The following NCKAP5 variants were observed in gnomAD, a reference collection of about 807,000 sequenced individuals.
NCKAP5 encodes nck-associated protein 5.
Under a neutral mutation model 167.0 loss-of-function variants are expected in NCKAP5, and 92 were observed. The ratio of observed to expected loss-of-function variants is 0.55; its 90% CI spans 0.47 to 0.66. NCKAP5 has a LOEUF of 0.66. Ranked by LOEUF, NCKAP5 falls within the 30% of genes least tolerant of loss-of-function variation. The pLI is 0.00. For synonymous variants in NCKAP5, 891 were observed against 877.4 expected (o/e 1.02, Z -0.27); for missense variants, 2,378 against 2,315.0 (o/e 1.03, Z -0.56).
chr2:132,970,988 G>T lies in NCKAP5; in HGVS notation c.430-7119C>A, dbSNP rs148789936. ...GGAGGACTCAATCAATATTCCATAA[G>T]GTTATTTTGTAATTCATTAATCAAG... is the stretch of plus-strand genomic sequence containing the variant. On this transcript the variant is annotated intron_variant, in intron 7 of 19. Coordinates refer to ENST00000409261, the MANE Select transcript of NCKAP5 (RefSeq NM_207363.3). Among the ~76,000 whole-genome samples, 1,429 of 152,270 alleles carry T rather than the reference G, an allele frequency of 9.4e-3. 13 individuals carry two copies. Among genetic ancestry groups the T allele is most frequent in the African/African-American group, 0.033 (1,382 of 41,548 alleles).
At chr2:133,561,249 CT>C (rs1347746455) in intron 1 of NCKAP5, among the ~76,000 whole-genome samples, 1 of 152,218 alleles carries the variant, frequency 6.6e-6, no homozygotes, top group African/African-American at 2.4e-5. Flanking sequence ...ACAAGGCCCT[CT>C]ACTGGCAATC....
At chr2:132,873,981 C>A (rs1691048022) in intron 9 of NCKAP5, among the ~76,000 whole-genome samples, 4 of 152,152 alleles carry the variant, frequency 2.6e-5, no homozygotes. Context: ...ACAGGGACTG[C>A]CTCCAGGGCG....
At chr2:133,672,298 A>G in the NCKAP5 span, among the ~76,000 whole-genome samples, 1 of 152,222 alleles carries the variant, frequency 6.6e-6, no homozygotes, top group African/African-American at 2.4e-5. Context: ...GCACACGATG[A>G]GGCTAGAAAA....
At chr2:133,422,480 G>A (rs534581176) in intron 3 of NCKAP5, among the ~76,000 whole-genome samples, 5 of 152,212 alleles carry the variant, frequency 3.3e-5, no homozygotes, top group Admixed American at 6.5e-5. Flanking sequence ...TCCAAGAGCC[G>A]AGAGAGCAGA....
intron 13 of NCKAP5, 102 bp downstream of exon 13, chr2:132,789,921 G>T: frequency 1.8e-6 from 2 of 1,107,128 alleles, no homozygotes; most frequent in South Asian, 1.6e-5. Flanking sequence ...TCAGCAAATG[G>T]TGGCTTCCTT....
rs186787288 is a variant in NCKAP5 at position 132,783,377 on chromosome 2, C to T, written c.3434G>A (p.Arg1145His). 5.6e-5 allele frequency: 90 copies of T among 1,607,106 alleles called. No homozygotes were observed. The East Asian group carries it at 6.0e-4, about 11-fold the overall frequency. ...GAGCACTTTGAGTCCCACTGGAAGG[C>T]GAGTTTTCAGTCCTTTCTCATGAGC... ...QSAHEKGLKT[R>H]LPVGLKVLMK... Residue 1145 changes from arginine (R) to histidine (H), a missense_variant, in exon 14 of 20, where the codon CGC becomes CAC. Around this residue, in one of 3 missense-constraint regions of NCKAP5, gnomAD observed 1,325 missense variants for 1,274.5 expected, o/e 1.04. Coordinates refer to ENST00000409261, the MANE Select transcript of NCKAP5 (RefSeq NM_207363.3).
chr2:132,752,165 C>A (rs2104794610), intron 16 of NCKAP5, among the ~76,000 whole-genome samples: 1 of 152,326 alleles, frequency 6.6e-6, no homozygotes, highest in Non-Finnish European at 1.5e-5. Context: ...CTAATAGGTA[C>A]CCATAACTGC....
chr2:133,482,235 T>TG (rs1187187019), intron 3 of NCKAP5, among the ~76,000 whole-genome samples: 3 of 152,062 alleles, frequency 2.0e-5, no homozygotes, highest in African/African-American at 7.2e-5. Flanking sequence ...TCTTTTTCTT[T>TG]TTTTTTGAGT....
intron 3 of NCKAP5, among the ~76,000 whole-genome samples, chr2:133,448,348 G>A (rs1190456602): frequency 2.0e-5 from 3 of 152,094 alleles, no homozygotes; most frequent in African/African-American, 7.2e-5. Context: ...TCTGTAGCAT[G>A]AGGAAGCTCA....
At chr2:133,113,722 A>G (rs1395990060) in intron 6 of NCKAP5, among the ~76,000 whole-genome samples, 1 of 152,180 alleles carries the variant, frequency 6.6e-6, no homozygotes, top group Non-Finnish European at 1.5e-5. Flanking sequence ...CAAGATCCAA[A>G]AAGTAGCCAA....
Position 132,782,689 on chromosome 2 carries a change from T to C in NCKAP5, c.4122A>G (p.Pro1374=), listed in dbSNP as rs773909658. ...GTGGGATGAGGAGTCCCTCAGACTTTGGAGGGATCCTCAAAGGCAACTTAC... is the reference window on the plus strand; with the variant it reads ...GTGGGATGAGGAGTCCCTCAGACTTCGGAGGGATCCTCAAAGGCAACTTAC... ...SPSKLPLRIP[P]KSEGLLIPPG... The change falls in exon 14 of 20, where the codon CCA becomes CCG. Residue 1374 remains proline, a synonymous_variant. Coordinates refer to ENST00000409261, the MANE Select transcript of NCKAP5 (RefSeq NM_207363.3). 16 of 1,613,812 alleles carry C rather than the reference T, an allele frequency of 9.9e-6. No individual in the cohort carries two copies. The highest frequency in any genetic ancestry group is 1.7e-5 in the Admixed American group (1 of 59,996).
intron 6 of NCKAP5, among the ~76,000 whole-genome samples, chr2:133,035,008 C>T (rs2078995970): frequency 6.6e-6 from 1 of 151,808 alleles, no homozygotes; most frequent in Non-Finnish European, 1.5e-5. Context: ...TGATCTGTTG[C>T]CCACAAGAAA....
At chr2:133,162,394 C>T (rs771971333) in intron 5 of NCKAP5, among the ~76,000 whole-genome samples, 4 of 152,122 alleles carry the variant, frequency 2.6e-5, no homozygotes, top group Non-Finnish European at 5.9e-5. Flanking sequence ...AGAGTTGTAG[C>T]ATCTTAAGTT....
chr2:132,707,338 A>G (rs1688456666), intron 19 of NCKAP5, among the ~76,000 whole-genome samples: 1 of 152,218 alleles, frequency 6.6e-6, no homozygotes, highest in Non-Finnish European at 1.5e-5. Flanking sequence ...GCCAGAGGGA[A>G]ATCACCCATC....
rs7600057 is a variant in NCKAP5 at position 133,098,554 on chromosome 2, G to A, written c.341+31424C>T. On this transcript the variant is annotated intron_variant, in intron 6 of 19. Coordinates refer to ENST00000409261, the MANE Select transcript of NCKAP5 (RefSeq NM_207363.3). Reference sequence around the variant, plus strand: ...GCTCGTGGTTACTGGGTAAAATTCCGAGACAAATATTCCTTCAAAGATCAA... The same window carrying A: ...GCTCGTGGTTACTGGGTAAAATTCCAAGACAAATATTCCTTCAAAGATCAA... Among the ~76,000 whole-genome samples the A allele has an allele frequency of 3.4e-3, 519 of 152,098 alleles. 6 individuals are homozygous for A. Among genetic ancestry groups the A allele is most frequent in the African/African-American group, 0.011 (468 of 41,504 alleles).
At chr2:133,315,258 A>C (rs1416769508) in intron 3 of NCKAP5, among the ~76,000 whole-genome samples, 1 of 152,164 alleles carries the variant, frequency 6.6e-6, no homozygotes, top group East Asian at 1.9e-4. Flanking sequence ...CACCAGGAGA[A>C]TCATGCTAAG....
intron 11 of NCKAP5, among the ~76,000 whole-genome samples, chr2:132,803,781 A>T (rs935800912): frequency 6.6e-6 from 1 of 152,200 alleles, no homozygotes; most frequent in African/African-American, 2.4e-5. Flanking sequence ...AGCATCTACT[A>T]TGTGCAGAAT....
At chr2:133,071,347 A>C (rs2080390598) in intron 6 of NCKAP5, among the ~76,000 whole-genome samples, 1 of 152,090 alleles carries the variant, frequency 6.6e-6, no homozygotes, top group African/African-American at 2.4e-5. Context: ...TGGGAGGCTG[A>C]GGCAGGAGAA....
chr2:133,366,791 G>A (rs1685484250), intron 3 of NCKAP5, among the ~76,000 whole-genome samples: 1 of 152,134 alleles, frequency 6.6e-6, no homozygotes. Context: ...AAAGTCATAT[G>A]GGGAGTAAAT....
Sources: allele counts gnomAD v4.1 joint callset (sites outside exome capture counted in the v4.1 genomes callset), GRCh38; gene constraint gnomAD v4.1.1; regional missense constraint gnomAD v4.1.1; transcripts MANE v1.5; gene names NCBI Gene and HGNC (gene_info 2026-07-23, HGNC 2026-07-21).